The following HS3ST4 variants were observed in gnomAD, a reference collection of about 807,000 sequenced individuals.
HS3ST4 encodes the protein heparan sulfate glucosamine 3-O-sulfotransferase 4.
In HS3ST4, 17 loss-of-function variants were observed where a neutral mutation model predicts 29.2. The ratio of observed to expected loss-of-function variants is 0.58; its 90% CI spans 0.40 to 0.87. HS3ST4 has a LOEUF of 0.87. Ranked by LOEUF, HS3ST4 falls within the 40% of genes least tolerant of loss-of-function variation. The pLI, the probability that HS3ST4 is intolerant of heterozygous loss-of-function variation, is 0.00. For missense variants in HS3ST4, 627 were observed against 634.5 expected (o/e 0.99, Z 0.13); for synonymous variants, 314 against 285.7 (o/e 1.10, Z -1.00).
chr16:25,799,168 G>C (rs1966908150), intron 1 of HS3ST4, among the ~76,000 whole-genome samples: 2 of 152,140 alleles, frequency 1.3e-5, no homozygotes, highest in African/African-American at 4.8e-5. Context: ...TTTTTTGGTT[G>C]ACAGCTGCAG....
chr16:25,760,998 G>T (rs1966785554), intron 1 of HS3ST4, among the ~76,000 whole-genome samples: 1 of 152,012 alleles, frequency 6.6e-6, no homozygotes, highest in Non-Finnish European at 1.5e-5. Flanking sequence ...AATAGCAAAA[G>T]GCAAGCCAGA....
intron 1 of HS3ST4, among the ~76,000 whole-genome samples, chr16:26,011,089 C>A (rs542813458): frequency 3.3e-5 from 5 of 152,120 alleles, no homozygotes; most frequent in Non-Finnish European, 5.9e-5. Context: ...GATAGCAGCA[C>A]GTGCACTTAC....
chr16:26,108,960 G>A (rs2141801650), intron 1 of HS3ST4, among the ~76,000 whole-genome samples: 1 of 152,196 alleles, frequency 6.6e-6, no homozygotes. Flanking sequence ...CTGCCTGCCT[G>A]ACCCATCCTG....
chr16:25,748,139 A>G (rs934092563), intron 1 of HS3ST4, among the ~76,000 whole-genome samples: 1 of 152,138 alleles, frequency 6.6e-6, no homozygotes, highest in African/African-American at 2.4e-5. Flanking sequence ...CGATGTCTGC[A>G]GGGGAGATGC....
chr16:25,927,067 A>G (rs534569269), intron 1 of HS3ST4, among the ~76,000 whole-genome samples: 3 of 97,388 alleles, frequency 3.1e-5, no homozygotes, highest in Admixed American at 1.3e-4. Flanking sequence ...CGTCTAAAAG[A>G]AAAAAAAAAG....
At chr16:25,802,582 T>G (rs1313647627) in intron 1 of HS3ST4, among the ~76,000 whole-genome samples, 2 of 152,154 alleles carry the variant, frequency 1.3e-5, no homozygotes, top group Non-Finnish European at 2.9e-5. Context: ...TGCTTATACT[T>G]GCAGATTAAT....
intron 1 of HS3ST4, among the ~76,000 whole-genome samples, chr16:25,914,450 G>T (rs1315836618): frequency 6.6e-6 from 1 of 151,474 alleles, no homozygotes; most frequent in Non-Finnish European, 1.5e-5. Context: ...ACATGGTGTG[G>T]CGTGTTGTGT....
chr16:25,858,308 A>G (rs1967604833), intron 1 of HS3ST4, among the ~76,000 whole-genome samples: 1 of 152,072 alleles, frequency 6.6e-6, no homozygotes. Context: ...TCTGATTATT[A>G]TTTTGTAAAA....
chr16:25,792,337 T>C (rs1483630222), intron 1 of HS3ST4, among the ~76,000 whole-genome samples: 2 of 151,920 alleles, frequency 1.3e-5, no homozygotes, highest in Non-Finnish European at 2.9e-5. Context: ...ATTCCTGTTA[T>C]TTTTTTCCCT....
At chr16:26,097,772 A>G (rs1321724317) in intron 1 of HS3ST4, among the ~76,000 whole-genome samples, 9 of 152,230 alleles carry the variant, frequency 5.9e-5, no homozygotes, top group Non-Finnish European at 1.2e-4. Context: ...ATGGCAAAAT[A>G]AACTACCATC....
At chr16:25,908,962 C>G (rs898416115) in intron 1 of HS3ST4, among the ~76,000 whole-genome samples, 3 of 152,174 alleles carry the variant, frequency 2.0e-5, no homozygotes, top group African/African-American at 7.2e-5. Flanking sequence ...CCTTGGTGCC[C>G]AGGGCTGTGC....
At chr16:26,102,880 C>T (rs545658916) in intron 1 of HS3ST4, among the ~76,000 whole-genome samples, 6 of 152,272 alleles carry the variant, frequency 3.9e-5, no homozygotes, top group African/African-American at 1.4e-4. Flanking sequence ...GTGCTCCTTA[C>T]AGTGATTCAA....
chr16:25,881,931 G>T (rs753071246), intron 1 of HS3ST4, among the ~76,000 whole-genome samples: 1 of 152,132 alleles, frequency 6.6e-6, no homozygotes, highest in Non-Finnish European at 1.5e-5. Context: ...CTTTTTCAGG[G>T]ACAGTATTGA....
intron 1 of HS3ST4, among the ~76,000 whole-genome samples, chr16:26,080,226 C>G (rs1898709741): frequency 6.6e-6 from 1 of 152,046 alleles, no homozygotes; most frequent in Non-Finnish European, 1.5e-5. Context: ...CCAACCAACA[C>G]TTTTAGGAGA....
At chr16:26,068,882 T>C (rs1320578007) in intron 1 of HS3ST4, among the ~76,000 whole-genome samples, 2 of 152,208 alleles carry the variant, frequency 1.3e-5, no homozygotes, top group African/African-American at 2.4e-5. Flanking sequence ...TATATGTAAA[T>C]GTTGGCATCT....
At chr16:25,743,157 A>G (rs185193601) in intron 1 of HS3ST4, among the ~76,000 whole-genome samples, 6 of 152,344 alleles carry the variant, frequency 3.9e-5, no homozygotes, top group Non-Finnish European at 5.9e-5. Flanking sequence ...AGTGAGGAAG[A>G]GGCAGTGTAG....
intron 1 of HS3ST4, among the ~76,000 whole-genome samples, chr16:25,892,680 GCCTCAGCTGTGTCCACATT>G (rs1352105846): frequency 1.3e-5 from 2 of 152,172 alleles, no homozygotes; most frequent in African/African-American, 4.8e-5. Context: ...GGGGGAGATA[GCCTCAGCTGTGTCCACATT>G]CCTCAAAGAT....
At chr16:25,928,055 A>C (rs1455673099) in intron 1 of HS3ST4, among the ~76,000 whole-genome samples, 1 of 151,424 alleles carries the variant, frequency 6.6e-6, no homozygotes, top group Non-Finnish European at 1.5e-5. Context: ...AAAAAAAAAA[A>C]AAAGGTAGCC....
intron 1 of HS3ST4, among the ~76,000 whole-genome samples, chr16:26,073,767 TG>T (rs1372938182): frequency 2.6e-5 from 4 of 152,210 alleles, no homozygotes; most frequent in Admixed American, 1.3e-4. Context: ...AGTGCAGTAT[TG>T]GGGATATGGT....
Sources: allele counts gnomAD v4.1 joint callset (sites outside exome capture counted in the v4.1 genomes callset), GRCh38; gene constraint gnomAD v4.1.1; transcripts MANE v1.5; gene names NCBI Gene and HGNC (gene_info 2026-07-23, HGNC 2026-07-21).